The following ITFG1 variants were observed in gnomAD, a reference collection of about 807,000 sequenced individuals.
The protein encoded by ITFG1 is integrin alpha FG-GAP repeat containing 1, also known as T-cell immunomodulatory protein.
ITFG1 carries 34 observed loss-of-function variants against 81.8 expected under a neutral mutation model. The observed-to-expected ratio is 0.42, with a 90% CI of 0.32 to 0.55. ITFG1 has a LOEUF of 0.55. Among genes scored for constraint, ITFG1 ranks in the 20% least tolerant of loss-of-function variants. ITFG1 has a pLI of 0.17. For synonymous variants in ITFG1, 285 were observed against 270.6 expected, an observed-to-expected ratio of 1.05 and a Z score of -0.52; for missense variants, 672 against 755.4, an observed-to-expected ratio of 0.89 and a Z score of 1.29.
In ITFG1 at chr16:47,392,969, A is replaced by G. The variant is rs190241453; in HGVS notation, c.656-17029T>C. Among the ~76,000 whole-genome samples the G allele has an allele frequency of 4.6e-5, 7 of 152,318 alleles. No homozygotes were observed. In the East Asian group the frequency reaches 1.2e-3, roughly 25 times the overall value. ...CTTAATCCAAGGCCACCCCTCCACA[A>G]CTGGCAGGTAACTAAAGAAGAGGCC... On this transcript the variant is annotated intron_variant, in intron 6 of 17. Coordinates refer to ENST00000320640, the MANE Select transcript of ITFG1 (RefSeq NM_030790.5).
intron 5 of ITFG1, among the ~76,000 whole-genome samples, chr16:47,441,968 C>T (rs561137159): frequency 6.6e-6 from 1 of 152,274 alleles, no homozygotes; most frequent in Non-Finnish European, 1.5e-5. Context: ...AGCTGATAAG[C>T]AACTTCAGCA....
chr16:47,224,558 C>T (rs916887476), intron 13 of ITFG1, among the ~76,000 whole-genome samples: 1 of 152,088 alleles, frequency 6.6e-6, no homozygotes, highest in African/African-American at 2.4e-5. Flanking sequence ...AGTTACTGAA[C>T]AAACAGCAAT....
intron 10 of ITFG1, among the ~76,000 whole-genome samples, chr16:47,302,046 AT>A (rs1967085023): frequency 6.6e-6 from 1 of 152,030 alleles, no homozygotes; most frequent in Non-Finnish European, 1.5e-5. Context: ...AAAAAAAAAA[AT>A]CTTTATGTTT....
chr16:47,421,245 TATACACACATATATACATACATATGC>T (rs1968942983), intron 6 of ITFG1, among the ~76,000 whole-genome samples: 1 of 150,876 alleles, frequency 6.6e-6, no homozygotes. Context: ...TATATGTATA[TATACACACATATATACATACATATGC>T]ACACACACAC....
Position 47,451,416 on chromosome 16 carries a change from C to T in ITFG1, c.540G>A (p.Gln180=), listed in dbSNP as rs1969387355. 2.5e-6 allele frequency: 4 copies of T among 1,579,952 alleles called. No homozygotes were observed. The East Asian group carries it at 6.7e-5, about 27-fold the overall frequency. The change falls in exon 5 of 18, where the codon CAG becomes CAA. Residue 180 remains glutamine (Q), a synonymous_variant. Coordinates refer to ENST00000320640, the MANE Select transcript of ITFG1 (RefSeq NM_030790.5). ...CTCACCCTCCTAATAGTATCTGTGG[C>T]TGGTTGGATTCATTTGTGATACCAA... ...DIFGITNESN[Q]PQILLGGNLS... is the part of the protein sequence containing the mutation.
intron 6 of ITFG1, among the ~76,000 whole-genome samples, chr16:47,393,496 C>T (rs554473818): frequency 1.2e-4 from 18 of 152,056 alleles, no homozygotes; most frequent in African/African-American, 3.9e-4. Context: ...TTTGGGAGGC[C>T]GAGGTGGGAG....
chr16:47,174,681 C>T (rs1596783957), intron 14 of ITFG1, among the ~76,000 whole-genome samples: 5 of 152,088 alleles, frequency 3.3e-5, no homozygotes, highest in Admixed American at 2.6e-4. Flanking sequence ...CCACCATGTC[C>T]GGCTAATTTT....
intron 6 of ITFG1, among the ~76,000 whole-genome samples, chr16:47,387,515 C>T (rs1403332273): frequency 1.3e-5 from 2 of 152,114 alleles, no homozygotes; most frequent in African/African-American, 2.4e-5. Flanking sequence ...GTGGGAGGTT[C>T]ATGCCCCTCA....
chr16:47,244,591 TTGTGTGTGTGTGTGTGTGTGTG>T lies in ITFG1; in HGVS notation c.1331-6605_1331-6584del, dbSNP rs57470225. On this transcript the variant is annotated intron_variant, in intron 12 of 17. Coordinates refer to ENST00000320640, the MANE Select transcript of ITFG1 (RefSeq NM_030790.5). Reference sequence around the variant, plus strand: ...GCATAATTGCATGGTATTCCATCTTTTGTGTGTGTGTGTGTGTGTGTGTGTGTGTGTGTGTGTGTGTGTGTGT... The same window carrying T: ...GCATAATTGCATGGTATTCCATCTTTTGTGTGTGTGTGTGTGTGTGTGTGT... 9.2e-4 allele frequency among the ~76,000 whole-genome samples: 109 copies of T among 118,226 alleles called. 1 individual carries two copies. Among genetic ancestry groups the T allele is most frequent in the South Asian group, 8.4e-3 (25 of 2,968 alleles). The allele number at this position is 118,226 out of a possible 152,430, so 77.6% of individuals were successfully genotyped here.
chr16:47,460,702 T>C, intron 1 of ITFG1, 136 bp downstream of exon 1: 1 of 928,484 alleles, frequency 1.1e-6, no homozygotes, highest in Non-Finnish European at 1.7e-6. Context: ...CTGTTAAGAA[T>C]GCTAAAGGGA....
intron 10 of ITFG1, among the ~76,000 whole-genome samples, chr16:47,294,244 T>C (rs1429000773): frequency 6.6e-6 from 1 of 152,096 alleles, no homozygotes; most frequent in Non-Finnish European, 1.5e-5. Flanking sequence ...ATACCAGTAC[T>C]ATGTTTTGGT....
intron 14 of ITFG1, among the ~76,000 whole-genome samples, chr16:47,180,640 C>T (rs893512136): frequency 5.9e-5 from 9 of 152,192 alleles, no homozygotes; most frequent in Admixed American, 2.6e-4. Context: ...CAGCCTCGGC[C>T]TCCCGAGGTG....
rs569041892 is a variant in ITFG1, at chr16:47,289,765, G to C, written c.1070+21475C>G. Among the ~76,000 whole-genome samples the C allele has an allele frequency of 3.3e-5, 5 of 151,440 alleles. No homozygotes were observed. In the South Asian group the frequency reaches 1.0e-3, roughly 32 times the overall value. On this transcript the variant is annotated intron_variant, in intron 10 of 17. Coordinates refer to ENST00000320640, the MANE Select transcript of ITFG1 (RefSeq NM_030790.5). ...TTTTATCTAGATGAGTCTAGCTATT[G>C]GTAAATTTATGTTAATCTTTTCAAA...
intron 12 of ITFG1, among the ~76,000 whole-genome samples, chr16:47,253,693 G>A (rs991137972): frequency 1.3e-5 from 2 of 152,144 alleles, no homozygotes; most frequent in Non-Finnish European, 2.9e-5. Context: ...CCTCACATGT[G>A]CAGTTCACAA....
intron 1 of ITFG1, 94 bp from the exon 2 acceptor site, chr16:47,459,269 A>G: frequency 1.2e-6 from 1 of 825,982 alleles, no homozygotes; most frequent in East Asian, 2.5e-5. Flanking sequence ...TGTTCTCAAC[A>G]AGAAAACTTT....
intron 8 of ITFG1, among the ~76,000 whole-genome samples, chr16:47,352,138 A>G (rs1024400969): frequency 6.6e-6 from 1 of 152,224 alleles, no homozygotes. Flanking sequence ...CATTCGGGAC[A>G]TTGGCATGGG....
chr16:47,302,767 T>C (rs923709053), intron 10 of ITFG1, among the ~76,000 whole-genome samples: 3 of 152,222 alleles, frequency 2.0e-5, no homozygotes, highest in Admixed American at 6.5e-5. Context: ...GCAGAAATTA[T>C]GACACTAAGC....
chr16:47,325,238 G>A (rs1388452244), intron 8 of ITFG1, among the ~76,000 whole-genome samples: 1 of 152,100 alleles, frequency 6.6e-6, no homozygotes, highest in Non-Finnish European at 1.5e-5. Context: ...GGTACATAAC[G>A]AAATGAAGGC....
At chr16:47,390,521 C>T (rs1002105007) in intron 6 of ITFG1, among the ~76,000 whole-genome samples, 27 of 152,170 alleles carry the variant, frequency 1.8e-4, no homozygotes, top group South Asian at 8.3e-4. Context: ...TGCAGTGGTG[C>T]GATCTCGGTT....
Sources: gnomAD v4.1 joint callset for allele counts (sites outside exome capture counted in the v4.1 genomes callset) on GRCh38, gnomAD v4.1.1 for gene constraint, MANE v1.5 for transcripts, NCBI Gene and HGNC (gene_info 2026-07-23, HGNC 2026-07-21) for gene names.